KDM1A: variants seen among roughly 807,000 people sequenced by gnomAD.
KDM1A encodes the protein lysine-specific histone demethylase 1A.
In KDM1A, 49 loss-of-function variants were observed where a neutral mutation model predicts 109.4. The observed-to-expected ratio is 0.45, with a 90% CI of 0.36 to 0.57. The LOEUF is 0.57. Ranked by LOEUF, KDM1A falls within the 20% of genes least tolerant of loss-of-function variation. KDM1A has a pLI of 0.00. For synonymous variants in KDM1A, 380 were observed against 415.4 expected (o/e 0.91, Z 1.04); for missense variants, 668 against 1,116.6 (o/e 0.60, Z 5.73).
chr1:23,050,360 C>T (rs777524749), intron 3 of KDM1A, 27 bp from the exon 4 acceptor site: 12 of 1,587,056 alleles, frequency 7.6e-6, no homozygotes, highest in Middle Eastern at 1.7e-4. Flanking sequence ...TGCACTTTTC[C>T]TAGATGTCCT....
intron 20 of KDM1A, chr1:23,082,881 C>A (rs956419957): frequency 8.5e-5 from 22 of 258,046 alleles, no homozygotes; most frequent in African/African-American, 4.2e-4. Context: ...GGCTCCCTCC[C>A]AGAAGGTAGT....
chr1:23,069,060 G>C lies in KDM1A; in HGVS notation c.1323-1G>C, dbSNP rs1404494656. 1 of 1,596,096 alleles carries C rather than the reference G, an allele frequency of 6.3e-7. No individual in the cohort carries two copies. Among genetic ancestry groups the C allele is most frequent in the Admixed American group, 1.7e-5 (1 of 58,648 alleles). On this transcript the variant is annotated splice_acceptor_variant, in intron 11 of 20. Transcript: ENST00000400181. LOFTEE classifies it high-confidence loss of function. ...CAGATTATACATATTGTCTCTCTTA[G>C]GTTACAAGAGAAGCATGTCAAAGAT...
At chr1:23,064,802 T>C (rs913933464) in intron 9 of KDM1A, among the ~76,000 whole-genome samples, 1 of 152,198 alleles carries the variant, frequency 6.6e-6, no homozygotes, top group Admixed American at 6.5e-5. Flanking sequence ...ACAATCAGGA[T>C]TGAACCTATT....
chr1:23,081,373 G>A (rs1475824429), intron 18 of KDM1A, 73 bp from the exon 19 acceptor site: 4 of 1,555,082 alleles, frequency 2.6e-6, no homozygotes, highest in Non-Finnish European at 3.5e-6. Flanking sequence ...CAGGAATAAG[G>A]TGGGGCCTGA....
At chr1:23,055,381 T>C (rs1452712883) in intron 6 of KDM1A, 2 of 276,728 alleles carry the variant, frequency 7.2e-6, no homozygotes, top group Non-Finnish European at 1.3e-5. Context: ...ATTTCTAGTT[T>C]GATAGCTACT....
chr1:23,070,884 C>CT (rs1029060789), intron 12 of KDM1A, among the ~76,000 whole-genome samples: 3 of 151,808 alleles, frequency 2.0e-5, no homozygotes, highest in African/African-American at 7.3e-5. Context: ...CAACAGTTTC[C>CT]TTTTTGTGGA....
chr1:23,039,847 A>T (rs754886953), intron 2 of KDM1A, among the ~76,000 whole-genome samples: 1 of 152,154 alleles, frequency 6.6e-6, no homozygotes, highest in Non-Finnish European at 1.5e-5. Context: ...TCTTTTCTCA[A>T]CTAGATTATA....
At chr1:23,026,841 C>T (rs1389373205) in intron 1 of KDM1A, among the ~76,000 whole-genome samples, 1 of 152,074 alleles carries the variant, frequency 6.6e-6, no homozygotes. Context: ...TCATAGTCTG[C>T]CTGTTGGGAC....
rs1421557072 is a variant in KDM1A at position 23,019,619 on chromosome 1, C to T, written c.23C>T (p.Ala8Val). Residue 8 changes from alanine (A) to valine (V), a missense_variant, in exon 1 of 21, where the codon GCA (alanine) becomes GTA (valine). By Grantham distance (64) the Ala-to-Val change is moderately conservative. This residue lies in a region of KDM1A where 156 missense variants were observed against 163.4 expected (regional missense o/e 0.95). Coordinates refer to ENST00000400181, the MANE Select transcript of KDM1A (RefSeq NM_001009999.3). ...GAGATGTTATCTGGGAAGAAGGCGGCAGCCGCGGCGGCGGCGGCTGCAGCG... is the reference window on the plus strand; with the variant it reads ...GAGATGTTATCTGGGAAGAAGGCGGTAGCCGCGGCGGCGGCGGCTGCAGCG... Reference protein sequence around the residue: MLSGKKAAAAAAAAAAAA... With the variant: MLSGKKAVAAAAAAAAAA... The T allele has an allele frequency of 4.9e-6, 7 of 1,422,164 alleles. No homozygotes were observed. The highest frequency in any genetic ancestry group is 3.1e-5 in the South Asian group (2 of 65,536). 88.1% of individuals were successfully genotyped at this position (1,422,164 alleles called of 1,614,324 possible). A position where few individuals can be genotyped will look rare whatever the true frequency, so the allele number is the denominator to read the frequency against.
chr1:23,023,826 A>C (rs1263045128), intron 1 of KDM1A, among the ~76,000 whole-genome samples: 1 of 152,126 alleles, frequency 6.6e-6, no homozygotes, highest in Non-Finnish European at 1.5e-5. Context: ...GCTATCTCCT[A>C]CAAGAAAGAT....
At chr1:23,064,404 A>G (rs1643103447) in intron 9 of KDM1A, among the ~76,000 whole-genome samples, 1 of 152,112 alleles carries the variant, frequency 6.6e-6, no homozygotes, top group Non-Finnish European at 1.5e-5. Flanking sequence ...GGAGGTGGAG[A>G]TTGACTGTGG....
chr1:23,046,011 G>T (rs1198506934), intron 3 of KDM1A, among the ~76,000 whole-genome samples: 3 of 152,184 alleles, frequency 2.0e-5, no homozygotes, highest in African/African-American at 7.2e-5. Flanking sequence ...CCCACCTCAA[G>T]TTGGTGTACA....
At chr1:23,029,826 G>A (rs1221985142) in intron 1 of KDM1A, among the ~76,000 whole-genome samples, 1 of 152,140 alleles carries the variant, frequency 6.6e-6, no homozygotes, top group Non-Finnish European at 1.5e-5. Flanking sequence ...TTTTAGTAGA[G>A]AAGGGTTTTC....
chr1:23,053,928 A>G, intron 5 of KDM1A, 89 bp downstream of exon 5: 1 of 722,686 alleles, frequency 1.4e-6, no homozygotes, highest in Non-Finnish European at 2.5e-6. Context: ...TTGATAATTA[A>G]TTTTTTCATT....
intron 1 of KDM1A, among the ~76,000 whole-genome samples, chr1:23,026,717 G>A (rs1641815297): frequency 6.6e-6 from 1 of 152,132 alleles, no homozygotes; most frequent in Non-Finnish European, 1.5e-5. Context: ...GATGCTTTAA[G>A]GACATTGAGG....
At chr1:23,060,053 GA>G in intron 9 of KDM1A, among the ~76,000 whole-genome samples, 1 of 152,276 alleles carries the variant, frequency 6.6e-6, no homozygotes, top group South Asian at 2.1e-4. Context: ...GACTCTCAGG[GA>G]ATGCTTTGGT....
rs538342092 is a variant in KDM1A at position 23,034,320 on chromosome 1, G to A, written c.517+3686G>A. Among the ~76,000 whole-genome samples, 4 of 152,158 alleles carry A rather than the reference G, an allele frequency of 2.6e-5. No individual in the cohort carries two copies. In the South Asian group the frequency reaches 8.3e-4, roughly 32 times the overall value. On this transcript the variant is annotated intron_variant, in intron 2 of 20. Transcript: ENST00000400181. ...TTCTGTGAAGATGAAAGTTTTTTTA[G>A]GTCATGCCAACTAAACTTGACAGGT...
At chr1:23,033,181 A>G (rs1642041203) in intron 2 of KDM1A, among the ~76,000 whole-genome samples, 1 of 152,202 alleles carries the variant, frequency 6.6e-6, no homozygotes, top group Admixed American at 6.5e-5. Context: ...TTCTCTACCA[A>G]ACCTTTTCTT....
Position 23,044,495 on chromosome 1 carries a change from G to A in KDM1A, c.577+9G>A, listed in dbSNP as rs750838290. The A allele has an allele frequency of 1.4e-5, 22 of 1,595,552 alleles. No individual in the cohort carries two copies. On this transcript the variant is annotated intron_variant, in intron 3 of 20. Coordinates refer to ENST00000400181, the MANE Select transcript of KDM1A (RefSeq NM_001009999.3). The stretch of plus-strand genomic sequence containing the variant: ...AGACGGCCAAGCATCAGGTGAGGGT[G>A]GCATTAGATGCTTGCCACTTAGTAG...
Sources: gnomAD v4.1 joint callset for allele counts (sites outside exome capture counted in the v4.1 genomes callset) on GRCh38, gnomAD v4.1.1 for gene constraint, gnomAD v4.1.1 regional missense constraint, MANE v1.5 for transcripts, NCBI Gene and HGNC (gene_info 2026-07-23, HGNC 2026-07-21) for gene names.